The following OR1J2 variants were observed in gnomAD, a reference collection of about 807,000 sequenced individuals.
The protein encoded by OR1J2 is olfactory receptor family 1 subfamily J member 2.
For synonymous variants in OR1J2, 142 were observed against 99.7 expected, an observed-to-expected ratio of 1.42 and a Z score of -2.52; for missense variants, 304 against 246.1, an observed-to-expected ratio of 1.24 and a Z score of -1.57.
chr9:122,458,577 C>T, the OR1J2 span, among the ~76,000 whole-genome samples: 1 of 152,194 alleles, frequency 6.6e-6, no homozygotes, highest in Non-Finnish European at 1.5e-5. Flanking sequence ...AGAGCATGTG[C>T]AGGGGAATTG....
chr9:122,531,145 C>T, the OR1J2 span, among the ~76,000 whole-genome samples: 1 of 151,942 alleles, frequency 6.6e-6, no homozygotes, highest in Non-Finnish European at 1.5e-5. Flanking sequence ...TAGGGGTGAG[C>T]GTGGGAACCT....
At chr9:122,532,748 C>T in the OR1J2 span, among the ~76,000 whole-genome samples, 3 of 152,112 alleles carry the variant, frequency 2.0e-5, no homozygotes, top group African/African-American at 7.3e-5. Context: ...GATGGTCAGC[C>T]TAAAACAGTA....
chr9:122,567,688 G>C, the OR1J2 span: 1 of 1,614,096 alleles, frequency 6.2e-7, no homozygotes, highest in Non-Finnish European at 8.5e-7. Flanking sequence ...TAGGTGGATG[G>C]GGGCTGTAAA....
the OR1J2 span, among the ~76,000 whole-genome samples, chr9:122,534,717 G>A: frequency 2.0e-5 from 3 of 152,124 alleles, no homozygotes; most frequent in Admixed American, 1.3e-4. Flanking sequence ...AGGACTCAGC[G>A]ATGCTTGGGG....
chr9:122,570,329 T>C, the OR1J2 span, among the ~76,000 whole-genome samples: 6 of 152,180 alleles, frequency 3.9e-5, no homozygotes, highest in Non-Finnish European at 7.3e-5. Flanking sequence ...CTCCACATCC[T>C]CTCCAGCATC....
the OR1J2 span, chr9:122,519,596 C>G: frequency 6.2e-7 from 1 of 1,614,114 alleles, no homozygotes; most frequent in Non-Finnish European, 8.5e-7. Flanking sequence ...GGATCCTCTC[C>G]TGTACCAATG....
chr9:122,511,127 A>T lies in OR1J2; in HGVS notation c.326A>T (p.Asp109Val), dbSNP rs1828626339. The T allele has an allele frequency of 1.1e-6, 1 of 872,060 alleles. No homozygotes were observed. The highest frequency in any genetic ancestry group is 1.7e-5 in the African/African-American group (1 of 59,658). The allele number at this position is 872,060 out of a possible 1,614,324, so 54.0% of individuals were successfully genotyped here. A position where few individuals can be genotyped will look rare whatever the true frequency, so the allele number is the denominator to read the frequency against. The stretch of plus-strand genomic sequence containing the variant: ...ATGTATTTTTTTATATTTTTTACTG[A>T]CCTGGACAGCTTCCTTATTACATCA... The part of the protein sequence containing the change: ...SQMYFFIFFT[D>V]LDSFLITSMA... Residue 109 changes from aspartate to valine, a missense_variant, in exon 1 of 1, where the codon GAC (aspartate) becomes GTC (valine). Coordinates refer to ENST00000335302, the MANE Select transcript of OR1J2 (RefSeq NM_054107.1).
the OR1J2 span, among the ~76,000 whole-genome samples, chr9:122,500,599 T>TA: frequency 6.6e-6 from 1 of 152,210 alleles, no homozygotes; most frequent in Non-Finnish European, 1.5e-5. Context: ...AAAAGATGAC[T>TA]AAACTGCAAG....
At chr9:122,565,330 C>G in the OR1J2 span, among the ~76,000 whole-genome samples, 1 of 152,208 alleles carries the variant, frequency 6.6e-6, no homozygotes, top group Non-Finnish European at 1.5e-5. Context: ...CAAAGCATGA[C>G]CTCAGAAGGG....
the OR1J2 span, chr9:122,477,650 A>T: frequency 6.2e-7 from 1 of 1,614,276 alleles, no homozygotes; most frequent in South Asian, 1.1e-5. Context: ...CCCTTGTAAA[A>T]GACGGCTAGG....
chr9:122,494,488 A>G, the OR1J2 span, among the ~76,000 whole-genome samples: 1 of 152,116 alleles, frequency 6.6e-6, no homozygotes, highest in Non-Finnish European at 1.5e-5. Context: ...TTTTTCTGAT[A>G]TAAGAAAAGC....
the OR1J2 span, among the ~76,000 whole-genome samples, chr9:122,537,122 T>C: frequency 6.6e-6 from 1 of 152,270 alleles, no homozygotes; most frequent in Admixed American, 6.5e-5. Context: ...AATGCGCAAT[T>C]TCTGTCCCTT....
the OR1J2 span, among the ~76,000 whole-genome samples, chr9:122,529,138 T>C: frequency 6.6e-6 from 1 of 152,168 alleles, no homozygotes; most frequent in Non-Finnish European, 1.5e-5. Flanking sequence ...TTTTACAACT[T>C]TTCTGAGGGA....
chr9:122,508,574 C>A (rs528223799), upstream of OR1J2, among the ~76,000 whole-genome samples: 47 of 152,188 alleles, frequency 3.1e-4, no homozygotes, highest in African/African-American at 1.1e-3. Context: ...CAAATGCTTC[C>A]AATGAGATAG....
chr9:122,480,128 T>G, the OR1J2 span, among the ~76,000 whole-genome samples: 3 of 152,194 alleles, frequency 2.0e-5, no homozygotes, highest in Non-Finnish European at 4.4e-5. Context: ...AGGGCAGGGA[T>G]TCACTATAAC....
chr9:122,556,563 T>C, the OR1J2 span, among the ~76,000 whole-genome samples: 1 of 152,124 alleles, frequency 6.6e-6, no homozygotes, highest in Non-Finnish European at 1.5e-5. Context: ...AAATAACTAA[T>C]GCATGCGGGG....
the OR1J2 span, among the ~76,000 whole-genome samples, chr9:122,474,481 C>T: frequency 2.0e-5 from 3 of 152,152 alleles, no homozygotes; most frequent in Non-Finnish European, 4.4e-5. Flanking sequence ...CAATTCAAAC[C>T]TGGCTACAGG....
At chr9:122,554,166 G>A in the OR1J2 span, 1 of 1,602,522 alleles carries the variant, frequency 6.2e-7, no homozygotes, top group Non-Finnish European at 8.5e-7. Context: ...TTTATGATTA[G>A]ACATCTAGAC....
At chr9:122,513,732 C>T (rs1371966008), downstream of OR1J2, among the ~76,000 whole-genome samples, 1 of 151,998 alleles carries the variant, frequency 6.6e-6, no homozygotes, top group Admixed American at 6.6e-5. Flanking sequence ...GTGATGTTCC[C>T]CTCCCTGGGT....
Sources: allele counts gnomAD v4.1 joint callset (sites outside exome capture counted in the v4.1 genomes callset), GRCh38; gene constraint gnomAD v4.1.1; transcripts MANE v1.5; gene names NCBI Gene and HGNC (gene_info 2026-07-23, HGNC 2026-07-21).